P4HA3: variants seen among roughly 807,000 people sequenced by gnomAD.
P4HA3 encodes the protein prolyl 4-hydroxylase subunit alpha-3.
P4HA3 carries 60 observed loss-of-function variants against 66.7 expected under a neutral mutation model. That is an observed-to-expected ratio of 0.90 (90% CI 0.73 to 1.12). The LOEUF (loss-of-function observed/expected upper bound fraction) is 1.12, where lower values mean the gene tolerates loss of function less well. Ranked by LOEUF, P4HA3 falls within the 50% of genes most tolerant of loss-of-function variation. The probability of loss-of-function intolerance (pLI) is 0.00; values close to 1 mark genes in which losing one functional copy is unlikely to be tolerated. For synonymous variants in P4HA3, 263 were observed against 274.6 expected, an observed-to-expected ratio of 0.96 and a Z score of 0.42; for missense variants, 683 against 685.8, an observed-to-expected ratio of 1.00 and a Z score of 0.05.
chr11:74,268,856 G>C (rs546952363), intron 11 of P4HA3, among the ~76,000 whole-genome samples: 1 of 152,122 alleles, frequency 6.6e-6, no homozygotes, highest in African/African-American at 2.4e-5. Context: ...CTTCTTTGCC[G>C]TATCTACTTC....
intron 3 of P4HA3, among the ~76,000 whole-genome samples, chr11:74,301,796 A>G (rs924299225): frequency 4.6e-5 from 7 of 152,232 alleles, no homozygotes; most frequent in Non-Finnish European, 1.0e-4. Context: ...AAGTAATGTT[A>G]AAGTGAATGG....
At chr11:74,257,272 C>A (rs1408693813) in intron 15 of P4HA3, among the ~76,000 whole-genome samples, 1 of 152,120 alleles carries the variant, frequency 6.6e-6, no homozygotes. Context: ...TTTCAGGTGC[C>A]TGCCACCACG....
intron 3 of P4HA3, among the ~76,000 whole-genome samples, chr11:74,299,385 T>C (rs767007036): frequency 6.6e-6 from 1 of 152,214 alleles, no homozygotes; most frequent in Non-Finnish European, 1.5e-5. Flanking sequence ...CCTAGAGATA[T>C]TGCAATTCTG....
chr11:74,287,070 G>C, intron 5 of P4HA3: 2 of 1,152,816 alleles, frequency 1.7e-6, no homozygotes, highest in Non-Finnish European at 2.2e-6. Context: ...GATTCCCACA[G>C]GGCCCTTGGG....
At chr11:74,306,054 TGA>T (rs1441858530) in intron 1 of P4HA3, among the ~76,000 whole-genome samples, 1 of 151,862 alleles carries the variant, frequency 6.6e-6, no homozygotes, top group Admixed American at 6.6e-5. Flanking sequence ...TATAAATGTG[TGA>T]GAGGGTGGGG....
intron 7 of P4HA3, among the ~76,000 whole-genome samples, chr11:74,281,248 A>C (rs1860584110): frequency 1.3e-5 from 2 of 150,608 alleles, no homozygotes; most frequent in Non-Finnish European, 3.0e-5. Flanking sequence ...GGATGTGGAG[A>C]AATAGGAACA....
downstream of P4HA3, among the ~76,000 whole-genome samples, chr11:74,265,303 C>G (rs943037384): frequency 6.6e-6 from 1 of 152,138 alleles, no homozygotes; most frequent in Non-Finnish European, 1.5e-5. Flanking sequence ...TTTCCAGAAT[C>G]CTGGTGTGCT....
intron 4 of P4HA3, among the ~76,000 whole-genome samples, chr11:74,289,921 T>C (rs1860951802): frequency 6.6e-6 from 1 of 152,210 alleles, no homozygotes; most frequent in African/African-American, 2.4e-5. Flanking sequence ...CATGTGTCTT[T>C]ATAGCAGCAT....
At chr11:74,250,911 CT>C in intron 15 of P4HA3, 4 of 1,509,718 alleles carry the variant, frequency 2.6e-6, no homozygotes, top group Non-Finnish European at 2.7e-6. Context: ...TAAGAGAGGG[CT>C]CTTTTAGTCG....
chr11:74,267,617 T>C (rs1353735875), intron 12 of P4HA3, among the ~76,000 whole-genome samples: 1 of 152,230 alleles, frequency 6.6e-6, no homozygotes, highest in African/African-American at 2.4e-5. Context: ...GAAGCCCATG[T>C]TCCCCATGAA....
chr11:74,300,947 T>C (rs1258872065), intron 3 of P4HA3, among the ~76,000 whole-genome samples: 2 of 152,130 alleles, frequency 1.3e-5, no homozygotes, highest in South Asian at 4.1e-4. Flanking sequence ...TAAAAAGAAA[T>C]AAACTACTAA....
In P4HA3 at chr11:74,298,228, G is replaced by T. The variant is rs1861289311; in HGVS notation, c.701C>A (p.Ala234Asp). ...CTCCCTTACCCGGAAATAAGCAAAG[G>T]CCAAGTGATCCAAGGCATCTTCTAG... The part of the protein sequence containing the change: ...ASLEDALDHL[A>D]FAYFRAGNVS... Residue 234 changes from alanine to aspartate, a missense_variant, in exon 4 of 13, where the codon GCC becomes GAC. By Grantham distance (126) the Ala-to-Asp change is moderately radical. Coordinates refer to ENST00000331597, the MANE Select transcript of P4HA3 (RefSeq NM_182904.5). 2 of 1,613,880 alleles carry T rather than the reference G, an allele frequency of 1.2e-6. No homozygotes were observed. The highest frequency in any genetic ancestry group is 1.7e-6 in the Non-Finnish European group (2 of 1,179,880).
chr11:74,294,460 C>T (rs1355882183), intron 4 of P4HA3, among the ~76,000 whole-genome samples: 1 of 152,210 alleles, frequency 6.6e-6, no homozygotes, highest in Non-Finnish European at 1.5e-5. Flanking sequence ...CAAAGTCATT[C>T]TCCATCCAGC....
chr11:74,255,928 G>C, intron 15 of P4HA3: 1 of 516,886 alleles, frequency 1.9e-6, no homozygotes, highest in Non-Finnish European at 3.9e-6. Flanking sequence ...GGAACACTTT[G>C]CGGGTGCCTT....
chr11:74,272,219 T>TACAC (rs10534821), intron 10 of P4HA3, among the ~76,000 whole-genome samples: 68 of 150,510 alleles, frequency 4.5e-4, no homozygotes, highest in Middle Eastern at 3.4e-3. Flanking sequence ...TGCACACACA[T>TACAC]ACACACACAC....
At chr11:74,273,153 G>T (rs2134731499) in intron 10 of P4HA3, among the ~76,000 whole-genome samples, 1 of 152,212 alleles carries the variant, frequency 6.6e-6, no homozygotes, top group South Asian at 2.1e-4. Context: ...CCTCCCCACA[G>T]CCCCACAACC....
intron 6 of P4HA3, 28 bp downstream of exon 6, chr11:74,286,200 C>A (rs757616241): frequency 6.2e-7 from 1 of 1,606,762 alleles, no homozygotes; most frequent in South Asian, 1.1e-5. Context: ...AGGCCTCTCC[C>A]CCTTTCTCTT....
At chr11:74,292,350 T>G (rs1277370623) in intron 4 of P4HA3, among the ~76,000 whole-genome samples, 2 of 152,052 alleles carry the variant, frequency 1.3e-5, no homozygotes, top group Non-Finnish European at 2.9e-5. Flanking sequence ...TTCTTTATTA[T>G]TCTTGCTAGC....
Position 74,286,228 on chromosome 11 carries a change from C to T in P4HA3, c.933G>A (p.Gln311=), listed in dbSNP as rs761562420. The part of the protein sequence containing the change: ...YEGLCQTLGS[Q]PTLYQIPSLY... Reference sequence around the variant, plus strand: ...TTTCTCTTTCCCTGAGGAATCCTACCTGGGAACCCAGGGTCTGACATAGCC... The same window carrying T: ...TTTCTCTTTCCCTGAGGAATCCTACTTGGGAACCCAGGGTCTGACATAGCC... The change falls in exon 6 of 13, where the codon CAG becomes CAA. Residue 311 remains glutamine, a splice_region_variant and synonymous_variant. Coordinates refer to ENST00000331597, the MANE Select transcript of P4HA3 (RefSeq NM_182904.5). 1.2e-6 allele frequency: 2 copies of T among 1,611,480 alleles called. No individual in the cohort carries two copies. The highest frequency in any genetic ancestry group is 1.7e-6 in the Non-Finnish European group (2 of 1,179,336).
Sources: allele counts gnomAD v4.1 joint callset (sites outside exome capture counted in the v4.1 genomes callset), GRCh38; gene constraint gnomAD v4.1.1; transcripts MANE v1.5; gene names NCBI Gene and HGNC (gene_info 2026-07-23, HGNC 2026-07-21).